Variants in CEMIP2 observed in about 807,000 individuals in gnomAD.
The protein encoded by CEMIP2 is cell migration inducing hyaluronidase 2, also known as cell surface hyaluronidase CEMIP2.
Under a neutral mutation model 146.9 loss-of-function variants are expected in CEMIP2, and 79 were observed. That is an observed-to-expected ratio of 0.54 (90% CI 0.45 to 0.65). The LOEUF is 0.65. Ranked by LOEUF, CEMIP2 falls within the 30% of genes least tolerant of loss-of-function variation. CEMIP2 has a pLI of 0.00. For synonymous variants in CEMIP2, 601 were observed against 606.3 expected, an observed-to-expected ratio of 0.99 and a Z score of 0.13; for missense variants, 1,596 against 1,696.2, an observed-to-expected ratio of 0.94 and a Z score of 1.04.
chr9:71,701,783 C>T (rs892575229), intron 18 of CEMIP2, among the ~76,000 whole-genome samples: 5 of 152,042 alleles, frequency 3.3e-5, no homozygotes, highest in Non-Finnish European at 7.4e-5. Flanking sequence ...CATTTTCTCT[C>T]TTTTTTGACC....
At chr9:71,700,164 T>G (rs536856030) in intron 19 of CEMIP2, among the ~76,000 whole-genome samples, 3 of 151,936 alleles carry the variant, frequency 2.0e-5, no homozygotes, top group Non-Finnish European at 4.4e-5. Context: ...AAGAACAGGA[T>G]TGGAATTAAA....
chr9:71,728,187 G>A (rs1823445470), intron 10 of CEMIP2, among the ~76,000 whole-genome samples: 2 of 124,260 alleles, frequency 1.6e-5, no homozygotes, highest in South Asian at 2.6e-4. Context: ...TCAACACAGC[G>A]AAACCTTCTC....
Position 71,750,123 on chromosome 9 carries a change from A to G in CEMIP2, c.251T>C (p.Ile84Thr). 6.2e-7 allele frequency: 1 copy of G among 1,613,976 alleles called. No individual in the cohort carries two copies. ...TGAGAAACTAGTAATAGCAAAACAA[A>G]TGAAAGTATTTTTGTGTCTCTTTTG... ...QKQKRHKNTF[I>T]CFAITSFSFF... The change falls in exon 2 of 24, where the codon ATT becomes ACT. Residue 84 changes from isoleucine (I) to threonine (T), a missense_variant. Ile to Thr is a moderately conservative substitution (Grantham distance 89). Transcript: ENST00000377044.
In CEMIP2 at chr9:71,720,743, T is replaced by C. The variant is rs1564008271; in HGVS notation, c.2267+1684A>G. On this transcript the variant is annotated intron_variant, in intron 12 of 23. Transcript: ENST00000377044. ...CATGTCTAAATTGCATGAATATATA[T>C]ATGAGCATAGTCTAAACACTAGTTC... Among the ~76,000 whole-genome samples the C allele has an allele frequency of 1.3e-5, 2 of 152,248 alleles. 1 individual carries two copies. The highest frequency in any genetic ancestry group is 4.1e-4 in the South Asian group (2 of 4,832).
intron 19 of CEMIP2, among the ~76,000 whole-genome samples, chr9:71,699,034 TAA>T (rs34810834): frequency 0.79 from 104,223 of 132,754 alleles, 40,645 homozygotes; most frequent in East Asian, 0.92. Flanking sequence ...CTGAGAGCAT[TAA>T]AAAAAAAAAA....
At chr9:71,701,589 G>C (rs1822563557) in intron 18 of CEMIP2, among the ~76,000 whole-genome samples, 1 of 152,044 alleles carries the variant, frequency 6.6e-6, no homozygotes, top group Admixed American at 6.6e-5. Flanking sequence ...TAATTTTTTT[G>C]TTTATAATTT....
chr9:71,709,491 A>G lies in CEMIP2; in HGVS notation c.2770-17T>C, dbSNP rs760152243. 1 of 1,610,992 alleles carries G rather than the reference A, an allele frequency of 6.2e-7. No homozygotes were observed. On this transcript the variant is annotated splice_polypyrimidine_tract_variant and intron_variant, in intron 16 of 23. Transcript: ENST00000377044. ...CAGAGAGACCTGACCACAGTGAAAAAGAAAGACATCACAAAGTGAGGGCTC... is the reference window on the plus strand; with the variant it reads ...CAGAGAGACCTGACCACAGTGAAAAGGAAAGACATCACAAAGTGAGGGCTC...
At chr9:71,755,273 G>A (rs190494013) in intron 1 of CEMIP2, among the ~76,000 whole-genome samples, 114 of 150,660 alleles carry the variant, frequency 7.6e-4, no homozygotes, top group Non-Finnish European at 1.0e-3. Flanking sequence ...TGCTTTGGGG[G>A]GTCAATATGG....
At chr9:71,751,673 A>C (rs1400053704) in intron 1 of CEMIP2, among the ~76,000 whole-genome samples, 4 of 152,320 alleles carry the variant, frequency 2.6e-5, no homozygotes, top group African/African-American at 7.2e-5. Context: ...ACATTTTAAA[A>C]AAATATATCT....
rs1394872390 is a variant in CEMIP2, at chr9:71,732,540, A to G, written c.1394-20T>C. The G allele has an allele frequency of 1.9e-6, 3 of 1,562,236 alleles. No homozygotes were observed. The highest frequency in any genetic ancestry group is 2.1e-5 in the Admixed American group (1 of 46,666). On this transcript the variant is annotated intron_variant, in intron 6 of 23. Transcript: ENST00000377044. ...GGGTTTCTGGTTGATATGAGCAAGGAAAAAAAAGAATATTAGAACAAAGAA... is the reference window on the plus strand; with the variant it reads ...GGGTTTCTGGTTGATATGAGCAAGGGAAAAAAAGAATATTAGAACAAAGAA...
At chr9:71,746,754 A>G (rs114217116) in intron 2 of CEMIP2, among the ~76,000 whole-genome samples, 5 of 152,288 alleles carry the variant, frequency 3.3e-5, no homozygotes, top group African/African-American at 1.2e-4. Context: ...AAAAATGAAA[A>G]TTGCTAAATA....
intron 17 of CEMIP2, 166 bp from the exon 18 acceptor site, chr9:71,704,969 C>A: frequency 1.6e-6 from 1 of 621,888 alleles, no homozygotes; most frequent in Non-Finnish European, 2.8e-6. Flanking sequence ...ACTTATAGTG[C>A]AGCCTACTTA....
At chr9:71,699,332 G>T in intron 19 of CEMIP2, 1 of 362,522 alleles carries the variant, frequency 2.8e-6, no homozygotes, top group Non-Finnish European at 5.6e-6. Context: ...GGTGGCAGCA[G>T]CTACTTGTGA....
Position 71,730,081 on chromosome 9 carries a change from CCAAA to C in CEMIP2, c.1942_1945del (p.Phe648GlufsTer26). ...AGTAGCAGGCACAGGAATGTAATTT[CCAAA>C]CACTTTATCTCGCATGGTGGTACAC... On this transcript the variant is annotated frameshift_variant, in exon 9 of 24. Coordinates refer to ENST00000377044, the MANE Select transcript of CEMIP2 (RefSeq NM_013390.3). LOFTEE classifies it high-confidence loss of function. 1 of 1,614,188 alleles carries C rather than the reference CCAAA, an allele frequency of 6.2e-7. No individual in the cohort carries two copies. Among genetic ancestry groups the C allele is most frequent in the Non-Finnish European group, 8.5e-7 (1 of 1,180,042 alleles).
intron 2 of CEMIP2, 64 bp from the exon 3 acceptor site, chr9:71,746,405 G>A: frequency 1.3e-6 from 2 of 1,582,714 alleles, no homozygotes; most frequent in Non-Finnish European, 8.6e-7. Context: ...CCGAATCTAA[G>A]CACTACCATT....
chr9:71,727,249 T>C (rs1487640810), intron 10 of CEMIP2, among the ~76,000 whole-genome samples: 1 of 152,158 alleles, frequency 6.6e-6, no homozygotes, highest in Non-Finnish European at 1.5e-5. Flanking sequence ...AGCCCTGACT[T>C]CTAAAAAGAG....
intron 1 of CEMIP2, among the ~76,000 whole-genome samples, chr9:71,759,002 C>G (rs1824547099): frequency 6.6e-6 from 1 of 152,150 alleles, no homozygotes; most frequent in African/African-American, 2.4e-5. Flanking sequence ...ATAAGACACT[C>G]TGCACAGTTA....
chr9:71,732,582 C>G lies in CEMIP2; in HGVS notation c.1394-62G>C, dbSNP rs878982643. Reference sequence around the variant, plus strand: ...AACAAAGAAAACATGAAACTCACTTCAAAAAGACATTCTCTTCATTCCATA... The same window carrying G: ...AACAAAGAAAACATGAAACTCACTTGAAAAAGACATTCTCTTCATTCCATA... On this transcript the variant is annotated intron_variant, in intron 6 of 23. Transcript: ENST00000377044. The G allele has an allele frequency of 3.7e-5, 52 of 1,416,710 alleles. 1 individual carries two copies. The South Asian group carries it at 8.0e-4, about 22-fold the overall frequency. 87.8% of individuals were successfully genotyped at this position (1,416,710 alleles called of 1,614,324 possible). A position where few individuals can be genotyped will look rare whatever the true frequency, so the allele number is the denominator to read the frequency against.
In CEMIP2 at chr9:71,731,874, C is replaced by A. The variant is rs182582833; in HGVS notation, c.1563+477G>T. ...ATTAGTATATATTAATAGAATACTG[C>A]CTAGCATATAGTAAGTGCTCAAAAT... is the stretch of plus-strand genomic sequence containing the variant. On this transcript the variant is annotated intron_variant, in intron 7 of 23. Coordinates refer to ENST00000377044, the MANE Select transcript of CEMIP2 (RefSeq NM_013390.3). 2.5e-4 allele frequency among the ~76,000 whole-genome samples: 38 copies of A among 152,228 alleles called. No homozygotes were observed. In the East Asian group the frequency reaches 7.1e-3, roughly 29 times the overall value.
Sources: allele counts gnomAD v4.1 joint callset (sites outside exome capture counted in the v4.1 genomes callset), GRCh38; gene constraint gnomAD v4.1.1; transcripts MANE v1.5; gene names NCBI Gene and HGNC (gene_info 2026-07-23, HGNC 2026-07-21).